The following GRIP1 variants were observed in gnomAD, a reference collection of about 807,000 sequenced individuals.
The protein encoded by GRIP1 is glutamate receptor interacting protein 1.
A neutral mutation model predicts 129.9 loss-of-function variants in GRIP1; 45 were observed. The ratio of observed to expected loss-of-function variants is 0.35; its 90% CI spans 0.27 to 0.44. The LOEUF is 0.44. Among genes scored for constraint, GRIP1 ranks in the 20% least tolerant of loss-of-function variants. GRIP1 has a pLI of 1.00. For synonymous variants in GRIP1, 530 were observed against 520.8 expected (o/e 1.02, Z -0.24); for missense variants, 1,196 against 1,396.8 (o/e 0.86, Z 2.29).
At chr12:66,518,127 T>C in intron 5 of GRIP1, 151 bp from the exon 6 acceptor site, 4 of 679,960 alleles carry the variant, frequency 5.9e-6, no homozygotes, top group Non-Finnish European at 1.1e-5. Context: ...GCCTTAAAGG[T>C]CTTGCTCATT....
At chr12:66,523,121 G>T (rs2061083213) in intron 5 of GRIP1, among the ~76,000 whole-genome samples, 2 of 151,500 alleles carry the variant, frequency 1.3e-5, no homozygotes, top group Admixed American at 6.6e-5. Context: ...TATTATCCAG[G>T]AGAACTTCCC....
intron 1 of GRIP1, among the ~76,000 whole-genome samples, chr12:66,853,400 T>C (rs2039948128): frequency 1.3e-5 from 2 of 152,046 alleles, no homozygotes; most frequent in South Asian, 4.1e-4. Flanking sequence ...ATAGAGAAAC[T>C]AGCAGGGCAA....
intron 23 of GRIP1, among the ~76,000 whole-genome samples, chr12:66,355,404 G>A (rs2054438555): frequency 6.6e-6 from 1 of 151,668 alleles, no homozygotes; most frequent in African/African-American, 2.4e-5. Context: ...CGTAAGATGG[G>A]TAAGAGTCTT....
At chr12:66,654,679 G>A (rs536832194) in intron 1 of GRIP1, among the ~76,000 whole-genome samples, 1 of 152,206 alleles carries the variant, frequency 6.6e-6, no homozygotes, top group Non-Finnish European at 1.5e-5. Flanking sequence ...CTGGAAGGAG[G>A]AGAGGAGGGC....
At chr12:66,976,743 T>C (rs959619653) in intron 1 of GRIP1, among the ~76,000 whole-genome samples, 4 of 152,210 alleles carry the variant, frequency 2.6e-5, no homozygotes, top group African/African-American at 7.2e-5. Flanking sequence ...GTAAGTATGA[T>C]GTGTCTGGCC....
chr12:66,857,431 G>T (rs779633733), intron 1 of GRIP1, among the ~76,000 whole-genome samples: 1 of 151,918 alleles, frequency 6.6e-6, no homozygotes, highest in Non-Finnish European at 1.5e-5. Flanking sequence ...CTGTGAGCCA[G>T]GTGTTTTGTT....
At chr12:66,592,017 G>A (rs2063865410) in intron 2 of GRIP1, among the ~76,000 whole-genome samples, 1 of 152,118 alleles carries the variant, frequency 6.6e-6, no homozygotes, top group Non-Finnish European at 1.5e-5. Flanking sequence ...TAGCTGTAAA[G>A]TCCTAGTGTA....
At chr12:66,841,589 T>C (rs1369200510) in intron 1 of GRIP1, among the ~76,000 whole-genome samples, 1 of 152,232 alleles carries the variant, frequency 6.6e-6, no homozygotes, top group African/African-American at 2.4e-5. Context: ...TTCAATTCCC[T>C]ACGTTATTTT....
chr12:66,739,826 A>T (rs116606500), intron 1 of GRIP1, among the ~76,000 whole-genome samples: 1,942 of 152,270 alleles, frequency 0.013, 51 homozygotes, highest in African/African-American at 0.044. Context: ...TTCTGAGAAT[A>T]AGGAATAATA....
chr12:66,715,516 G>GA (rs1350505654), intron 1 of GRIP1, among the ~76,000 whole-genome samples: 15 of 145,708 alleles, frequency 1.0e-4, no homozygotes, highest in East Asian at 2.1e-4. Flanking sequence ...GAGAGAGAGA[G>GA]AACTGTCTCC....
At chr12:66,615,569 C>T (rs1250126540) in intron 1 of GRIP1, among the ~76,000 whole-genome samples, 4 of 152,166 alleles carry the variant, frequency 2.6e-5, no homozygotes, top group Non-Finnish European at 4.4e-5. Context: ...AAAAATAGGA[C>T]TTTGAATCAT....
chr12:66,793,736 C>T (rs1256003973), intron 1 of GRIP1, among the ~76,000 whole-genome samples: 2 of 152,156 alleles, frequency 1.3e-5, no homozygotes, highest in Non-Finnish European at 2.9e-5. Flanking sequence ...GCACACAGCA[C>T]TGCAGTTGGG....
intron 1 of GRIP1, among the ~76,000 whole-genome samples, chr12:66,968,781 T>C (rs1388227025): frequency 1.2e-5 from 1 of 83,676 alleles, no homozygotes; most frequent in African/African-American, 8.6e-5. Flanking sequence ...AAGCAAAAGA[T>C]TTTACTTTAC....
At chr12:66,568,845 C>A (rs929655241) in intron 2 of GRIP1, 2 of 429,222 alleles carry the variant, frequency 4.7e-6, no homozygotes, top group African/African-American at 4.1e-5. Context: ...TAGTACAGGT[C>A]CAACTGGTCA....
chr12:66,506,191 T>C (rs1260548269), intron 7 of GRIP1, among the ~76,000 whole-genome samples: 1 of 152,208 alleles, frequency 6.6e-6, no homozygotes, highest in Admixed American at 6.5e-5. Context: ...CTCTTAGGTA[T>C]AATCTTATGG....
intron 19 of GRIP1, among the ~76,000 whole-genome samples, chr12:66,386,947 A>G (rs1207678406): frequency 1.3e-5 from 2 of 152,248 alleles, no homozygotes; most frequent in African/African-American, 4.8e-5. Context: ...ACAAAAAGTA[A>G]TGATAAATAA....
intron 1 of GRIP1, among the ~76,000 whole-genome samples, chr12:66,979,253 A>ACC (rs1566104107): frequency 5.2e-5 from 7 of 134,726 alleles, no homozygotes; most frequent in African/African-American, 1.9e-4. Context: ...AAAAAAAAAA[A>ACC]ACAAGCCCGT....
At chr12:66,506,801 T>C (rs2060540456) in intron 7 of GRIP1, among the ~76,000 whole-genome samples, 2 of 152,176 alleles carry the variant, frequency 1.3e-5, no homozygotes, top group South Asian at 4.2e-4. Flanking sequence ...TCCAGAAACA[T>C]AGTAAGTGGC....
chr12:66,422,854 C>A (rs118039683), intron 14 of GRIP1, among the ~76,000 whole-genome samples: 3,161 of 152,192 alleles, frequency 0.021, 53 homozygotes, highest in Middle Eastern at 0.065. Context: ...TGGGGTCGAA[C>A]CCAGAAGTGT....
Sources: gnomAD v4.1 joint callset for allele counts (sites outside exome capture counted in the v4.1 genomes callset) on GRCh38, gnomAD v4.1.1 for gene constraint, MANE v1.5 for transcripts, NCBI Gene and HGNC (gene_info 2026-07-23, HGNC 2026-07-21) for gene names.